SAMD12: variants seen among roughly 807,000 people sequenced by gnomAD.
SAMD12 encodes the protein sterile alpha motif domain containing 12.
SAMD12 carries 9 observed loss-of-function variants against 15.0 expected under a neutral mutation model. The ratio of observed to expected loss-of-function variants is 0.60; its 90% CI spans 0.36 to 1.05. The LOEUF is 1.05. SAMD12 is among the 50% of genes least tolerant of loss of function. The pLI, the probability that SAMD12 is intolerant of heterozygous loss-of-function variation, is 0.01. For missense variants in SAMD12, 230 were observed against 234.2 expected, an observed-to-expected ratio of 0.98 and a Z score of 0.12; for synonymous variants, 86 against 90.1, an observed-to-expected ratio of 0.96 and a Z score of 0.25.
At chr8:118,292,419 T>C (rs1814445160) in intron 4 of SAMD12, among the ~76,000 whole-genome samples, 1 of 144,364 alleles carries the variant, frequency 6.9e-6, no homozygotes, top group Non-Finnish European at 1.5e-5. Flanking sequence ...CACAGATTCA[T>C]AGAAAAAACA....
intron 1 of SAMD12, among the ~76,000 whole-genome samples, chr8:118,605,771 T>C (rs191565711): frequency 7.9e-3 from 3 of 382 alleles, no homozygotes; most frequent in African/African-American, 0.01. Flanking sequence ...TCACAATATA[T>C]ATATATATAT....
intron 1 of SAMD12, among the ~76,000 whole-genome samples, chr8:118,614,018 T>C (rs1326433053): frequency 6.6e-6 from 1 of 152,224 alleles, no homozygotes; most frequent in African/African-American, 2.4e-5. Context: ...TGAGGATGCC[T>C]TGTATTTTAT....
intron 3 of SAMD12, among the ~76,000 whole-genome samples, chr8:118,428,848 T>C (rs1822315234): frequency 6.6e-6 from 1 of 152,220 alleles, no homozygotes; most frequent in South Asian, 2.1e-4. Flanking sequence ...ATTGTAATTT[T>C]ATAGTAAGTC....
At chr8:118,179,877 GGC>G in the SAMD12 span, among the ~76,000 whole-genome samples, 1 of 152,226 alleles carries the variant, frequency 6.6e-6, no homozygotes, top group Non-Finnish European at 1.5e-5. Context: ...AACAGCAAAA[GGC>G]CACGAGGCAG....
At chr8:118,569,909 AT>A (rs1214011627) in intron 2 of SAMD12, among the ~76,000 whole-genome samples, 1 of 152,224 alleles carries the variant, frequency 6.6e-6, no homozygotes, top group Non-Finnish European at 1.5e-5. Context: ...TTTGAAAACG[AT>A]TTCTAATCCA....
At chr8:118,299,780 T>C (rs1359534997) in intron 4 of SAMD12, among the ~76,000 whole-genome samples, 1 of 152,178 alleles carries the variant, frequency 6.6e-6, no homozygotes, top group African/African-American at 2.4e-5. Context: ...AATCTCTTCA[T>C]GGCCTACAGA....
chr8:118,148,230 A>G, the SAMD12 span, among the ~76,000 whole-genome samples: 1 of 152,026 alleles, frequency 6.6e-6, no homozygotes, highest in South Asian at 2.1e-4. Flanking sequence ...TTACAGGCAT[A>G]AGCCACTGTG....
chr8:118,541,976 G>A (rs1351269179), intron 2 of SAMD12, among the ~76,000 whole-genome samples: 1 of 152,130 alleles, frequency 6.6e-6, no homozygotes, highest in Admixed American at 6.5e-5. Context: ...TGCAAGCTAT[G>A]GTGCCCAGCA....
chr8:118,299,790 A>T (rs147791785), intron 4 of SAMD12, among the ~76,000 whole-genome samples: 1,689 of 152,272 alleles, frequency 0.011, 61 homozygotes, highest in Admixed American at 0.075. Context: ...TGGCCTACAG[A>T]CATATGGCTG....
At chr8:118,545,940 G>A (rs943826995) in intron 2 of SAMD12, among the ~76,000 whole-genome samples, 1 of 152,144 alleles carries the variant, frequency 6.6e-6, no homozygotes, top group African/African-American at 2.4e-5. Flanking sequence ...CAGAGCCCAG[G>A]TACTGCCTTC....
At chr8:118,444,578 T>A (rs1261261630) in intron 2 of SAMD12, among the ~76,000 whole-genome samples, 2 of 152,082 alleles carry the variant, frequency 1.3e-5, no homozygotes, top group Non-Finnish European at 2.9e-5. Flanking sequence ...TTTTATTTAC[T>A]CATATAATAA....
chr8:118,231,001 G>A (rs1253729537), intron 4 of SAMD12, among the ~76,000 whole-genome samples: 1 of 152,094 alleles, frequency 6.6e-6, no homozygotes, highest in African/African-American at 2.4e-5. Context: ...TATTATAAGA[G>A]GGCAACAGTG....
intron 2 of SAMD12, among the ~76,000 whole-genome samples, chr8:118,483,875 A>G (rs1340488323): frequency 6.6e-6 from 1 of 152,230 alleles, no homozygotes; most frequent in African/African-American, 2.4e-5. Flanking sequence ...GCAGAAGGTC[A>G]CCCAGATAGA....
At chr8:118,170,760 C>T in the SAMD12 span, among the ~76,000 whole-genome samples, 11 of 151,946 alleles carry the variant, frequency 7.2e-5, no homozygotes, top group Admixed American at 6.6e-5. Flanking sequence ...CCTTTGTGAC[C>T]TTGGCTAGGC....
chr8:118,544,711 C>T (rs978080136), intron 2 of SAMD12, among the ~76,000 whole-genome samples: 1 of 152,174 alleles, frequency 6.6e-6, no homozygotes, highest in Non-Finnish European at 1.5e-5. Context: ...CCTTCTCAAC[C>T]TTCATTCCCT....
intron 4 of SAMD12, among the ~76,000 whole-genome samples, chr8:118,357,771 G>A (rs989309477): frequency 2.0e-5 from 3 of 152,134 alleles, no homozygotes; most frequent in African/African-American, 7.2e-5. Flanking sequence ...CACAGGACCT[G>A]GCCTTTGCCT....
chr8:118,426,235 C>T (rs185057711), intron 3 of SAMD12, among the ~76,000 whole-genome samples: 24 of 152,136 alleles, frequency 1.6e-4, no homozygotes, highest in East Asian at 1.5e-3. Flanking sequence ...AAATATTGTC[C>T]GGGTTTTAAC....
chr8:118,373,947 T>A (rs1819245001), downstream of SAMD12, among the ~76,000 whole-genome samples: 1 of 152,144 alleles, frequency 6.6e-6, no homozygotes, highest in African/African-American at 2.4e-5. Context: ...ATTTTTTTAC[T>A]TCGTAAAGCA....
intron 4 of SAMD12, among the ~76,000 whole-genome samples, chr8:118,252,623 T>G (rs1162425382): frequency 6.6e-6 from 1 of 152,098 alleles, no homozygotes; most frequent in African/African-American, 2.4e-5. Flanking sequence ...TCTTACTCCC[T>G]CCCTCCTTTC....
Sources: gnomAD v4.1 joint callset for allele counts (sites outside exome capture counted in the v4.1 genomes callset) on GRCh38, gnomAD v4.1.1 for gene constraint, MANE v1.5 for transcripts, NCBI Gene and HGNC (gene_info 2026-07-23, HGNC 2026-07-21) for gene names.